HSPBAP1: variants seen among roughly 807,000 people sequenced by gnomAD.
HSPBAP1 encodes HSPB1-associated protein 1.
Under a neutral mutation model 45.2 loss-of-function variants are expected in HSPBAP1, and 27 were observed. The observed-to-expected ratio is 0.60, with a 90% CI of 0.44 to 0.82. The LOEUF (loss-of-function observed/expected upper bound fraction) is 0.82, where lower values mean the gene tolerates loss of function less well. HSPBAP1 is among the 40% of genes least tolerant of loss of function. HSPBAP1 has a pLI of 0.00. For synonymous variants in HSPBAP1, 204 were observed against 202.7 expected (o/e 1.01, Z -0.06); for missense variants, 510 against 590.9 (o/e 0.86, Z 1.42).
At chr3:122,789,964 A>G (rs1406639239) in intron 1 of HSPBAP1, among the ~76,000 whole-genome samples, 2 of 151,754 alleles carry the variant, frequency 1.3e-5, no homozygotes, top group Non-Finnish European at 2.9e-5. Flanking sequence ...ACAGGTTCAA[A>G]CGATTCTTGT....
intron 1 of HSPBAP1, among the ~76,000 whole-genome samples, chr3:122,780,544 C>G (rs1370335981): frequency 7.3e-6 from 1 of 137,030 alleles, no homozygotes; most frequent in Non-Finnish European, 1.5e-5. Flanking sequence ...GGGCGGCTGG[C>G]CGGACGGGGG....
intron 1 of HSPBAP1, among the ~76,000 whole-genome samples, chr3:122,780,604 C>T (rs1320441598): frequency 4.8e-5 from 7 of 146,144 alleles, no homozygotes; most frequent in Non-Finnish European, 9.0e-5. Context: ...GGGCGGGGGG[C>T]TGACCCCCCC....
chr3:122,751,993 G>A (rs920093861), intron 6 of HSPBAP1, among the ~76,000 whole-genome samples: 6 of 152,206 alleles, frequency 3.9e-5, no homozygotes, highest in African/African-American at 1.2e-4. Context: ...GTTAAAGAGA[G>A]GCAGCTGCAA....
At chr3:122,778,249 C>T (rs1935259682) in intron 1 of HSPBAP1, among the ~76,000 whole-genome samples, 1 of 147,448 alleles carries the variant, frequency 6.8e-6, no homozygotes, top group African/African-American at 2.5e-5. Context: ...TAGTGTTTTC[C>T]AAAATACTTA....
At chr3:122,760,780 G>T (rs1394958102) in intron 3 of HSPBAP1, among the ~76,000 whole-genome samples, 4 of 152,106 alleles carry the variant, frequency 2.6e-5, no homozygotes, top group Non-Finnish European at 4.4e-5. Flanking sequence ...CCTGGCTCAG[G>T]GTTACAGCTT....
At chr3:122,774,466 G>A (rs1015216895) in intron 2 of HSPBAP1, among the ~76,000 whole-genome samples, 2 of 152,218 alleles carry the variant, frequency 1.3e-5, no homozygotes, top group Non-Finnish European at 2.9e-5. Flanking sequence ...ACTGAAAAAT[G>A]CTTGTCTGGC....
At chr3:122,750,418 T>A (rs1432802292) in intron 6 of HSPBAP1, among the ~76,000 whole-genome samples, 2 of 152,250 alleles carry the variant, frequency 1.3e-5, no homozygotes, top group African/African-American at 4.8e-5. Context: ...CATGCTCATG[T>A]GTGAGACATG....
At chr3:122,780,845 G>A (rs1935431263) in intron 1 of HSPBAP1, among the ~76,000 whole-genome samples, 1 of 144,386 alleles carries the variant, frequency 6.9e-6, no homozygotes, top group African/African-American at 2.5e-5. Flanking sequence ...AGACGGGGCG[G>A]CCGGGCAGAG....
chr3:122,783,511 G>A (rs1935557970), intron 1 of HSPBAP1, among the ~76,000 whole-genome samples: 1 of 152,182 alleles, frequency 6.6e-6, no homozygotes. Flanking sequence ...TGAGGCTGAC[G>A]TAAAACAGGT....
intron 1 of HSPBAP1, among the ~76,000 whole-genome samples, chr3:122,779,166 C>T (rs1278375880): frequency 2.6e-5 from 4 of 151,936 alleles, no homozygotes; most frequent in Admixed American, 1.3e-4. Context: ...CTCAGCCTTC[C>T]GAGTAGCTGG....
intron 4 of HSPBAP1, among the ~76,000 whole-genome samples, chr3:122,758,403 T>C (rs1237460960): frequency 1.3e-5 from 2 of 152,160 alleles, no homozygotes; most frequent in Non-Finnish European, 2.9e-5. Context: ...CAATACACTG[T>C]ATTGTGTCAA....
chr3:122,768,821 C>G lies in HSPBAP1; in HGVS notation c.312G>C (p.Trp104Cys). Reference sequence around the variant, plus strand: ...CAGAAATACTAGACTGGTCACAGTTCCAGGTCAGAAACTCTTCGAGTGTAG... The same window carrying G: ...CAGAAATACTAGACTGGTCACAGTTGCAGGTCAGAAACTCTTCGAGTGTAG... ...VEATLEEFLT[W>C]NCDQSSISGP... The change falls in exon 3 of 8, where the codon TGG becomes TGC. Residue 104 changes from tryptophan to cysteine, a missense_variant. Transcript: ENST00000306103. The G allele has an allele frequency of 6.2e-7, 1 of 1,612,292 alleles. No individual in the cohort carries two copies. Among genetic ancestry groups the G allele is most frequent in the Non-Finnish European group, 8.5e-7 (1 of 1,178,374 alleles).
chr3:122,750,253 G>A (rs1054771143), intron 6 of HSPBAP1, among the ~76,000 whole-genome samples: 3 of 152,188 alleles, frequency 2.0e-5, no homozygotes, highest in South Asian at 2.1e-4. Flanking sequence ...GATTACAGGC[G>A]TAAGCCACCG....
chr3:122,754,995 T>C, intron 5 of HSPBAP1: 1 of 1,132,804 alleles, frequency 8.8e-7, no homozygotes, highest in East Asian at 4.6e-5. Flanking sequence ...TCTTGTAGAC[T>C]GTCTTCCTCC....
At chr3:122,758,061 A>G (rs1182299085) in intron 4 of HSPBAP1, among the ~76,000 whole-genome samples, 1 of 152,248 alleles carries the variant, frequency 6.6e-6, no homozygotes, top group Non-Finnish European at 1.5e-5. Context: ...AGTTCTTCAC[A>G]TGTGAAATGT....
At chr3:122,753,248 G>T in intron 5 of HSPBAP1, 1 of 232,760 alleles carries the variant, frequency 4.3e-6, no homozygotes, top group Non-Finnish European at 7.1e-6. Flanking sequence ...GACACAGAAA[G>T]AATGAGGACA....
At chr3:122,772,658 A>ATAAT (rs138201426) in intron 2 of HSPBAP1, among the ~76,000 whole-genome samples, 8,217 of 152,182 alleles carry the variant, frequency 0.054, 283 homozygotes, top group Middle Eastern at 0.11. Flanking sequence ...TAAAAAAGAA[A>ATAAT]TAATCAATTA....
chr3:122,742,923 T>C (rs1933718442), intron 6 of HSPBAP1, among the ~76,000 whole-genome samples: 1 of 152,240 alleles, frequency 6.6e-6, no homozygotes, highest in Non-Finnish European at 1.5e-5. Context: ...TTTATAGATA[T>C]CTACATTTAC....
At chr3:122,785,198 A>G (rs1418452367) in intron 1 of HSPBAP1, among the ~76,000 whole-genome samples, 1 of 152,176 alleles carries the variant, frequency 6.6e-6, no homozygotes, top group Non-Finnish European at 1.5e-5. Context: ...TGCTCCAGGG[A>G]GAGAGGAATG....
Sources: allele counts gnomAD v4.1 joint callset (sites outside exome capture counted in the v4.1 genomes callset), GRCh38; gene constraint gnomAD v4.1.1; transcripts MANE v1.5; gene names NCBI Gene and HGNC (gene_info 2026-07-23, HGNC 2026-07-21).